Variants in MYO16 observed in about 807,000 individuals in gnomAD.
The protein encoded by MYO16 is unconventional myosin-XVI.
MYO16 carries 94 observed loss-of-function variants against 205.3 expected under a neutral mutation model. The ratio of observed to expected loss-of-function variants is 0.46; its 90% CI spans 0.39 to 0.54. The LOEUF is 0.54. MYO16 is among the 20% of genes least tolerant of loss of function. The pLI is 0.00. For missense variants in MYO16, 2,315 were observed against 2,387.5 expected (o/e 0.97, Z 0.63); for synonymous variants, 988 against 954.0 (o/e 1.04, Z -0.66).
intron 34 of MYO16, among the ~76,000 whole-genome samples, chr13:109,180,168 G>A (rs535650194): frequency 2.0e-5 from 3 of 152,236 alleles, no homozygotes; most frequent in African/African-American, 7.2e-5. Context: ...GTTTGGAGGT[G>A]CATTACTGAT....
intron 27 of MYO16, among the ~76,000 whole-genome samples, chr13:109,076,986 T>G (rs1188182887): frequency 6.9e-6 from 1 of 145,062 alleles, no homozygotes; most frequent in Admixed American, 7.5e-5. Flanking sequence ...TTTATTTATT[T>G]GTTTACACTT....
At chr13:108,966,252 A>G (rs1883790562) in intron 20 of MYO16, among the ~76,000 whole-genome samples, 1 of 152,358 alleles carries the variant, frequency 6.6e-6, no homozygotes, top group East Asian at 1.9e-4. Context: ...AAGTATAAAG[A>G]TGATTCACAG....
At chr13:108,930,679 T>TTC (rs1477238268) in intron 16 of MYO16, among the ~76,000 whole-genome samples, 1 of 152,160 alleles carries the variant, frequency 6.6e-6, no homozygotes, top group African/African-American at 2.4e-5. Flanking sequence ...ACCCTGTATC[T>TTC]TTTTAGCATT....
intron 16 of MYO16, among the ~76,000 whole-genome samples, chr13:108,938,906 A>C (rs1289691304): frequency 1.3e-5 from 2 of 152,250 alleles, no homozygotes; most frequent in East Asian, 3.9e-4. Context: ...TGGCACACAC[A>C]GATCAGATCC....
intron 2 of MYO16, among the ~76,000 whole-genome samples, chr13:108,688,322 C>T (rs1882761668): frequency 6.6e-6 from 1 of 152,134 alleles, no homozygotes; most frequent in Non-Finnish European, 1.5e-5. Context: ...GAAACGTTAA[C>T]TAAACTTTCT....
At chr13:109,019,073 A>C (rs568093367) in intron 22 of MYO16, among the ~76,000 whole-genome samples, 2 of 150,330 alleles carry the variant, frequency 1.3e-5, no homozygotes, top group Non-Finnish European at 2.9e-5. Context: ...GGGTCTAGTG[A>C]TCCTCTCACC....
chr13:108,645,888 A>T (rs1880732524), intron 1 of MYO16, among the ~76,000 whole-genome samples: 1 of 152,160 alleles, frequency 6.6e-6, no homozygotes, highest in African/African-American at 2.4e-5. Context: ...AGTACCTCCA[A>T]GTTTCCCAGC....
At chr13:109,068,934 T>C (rs962640489) in intron 27 of MYO16, among the ~76,000 whole-genome samples, 3 of 152,130 alleles carry the variant, frequency 2.0e-5, no homozygotes, top group African/African-American at 7.2e-5. Context: ...AATGGGTCAA[T>C]AGTCAACAAT....
intron 16 of MYO16, among the ~76,000 whole-genome samples, chr13:108,915,691 A>C (rs1487226376): frequency 6.6e-6 from 1 of 152,216 alleles, no homozygotes; most frequent in African/African-American, 2.4e-5. Context: ...CAGAAAAGCT[A>C]GGTTCCTAAA....
chr13:108,665,987 C>T lies in MYO16; in HGVS notation c.130C>T (p.Arg44Cys), dbSNP rs1210280707. 8 of 1,614,134 alleles carry T rather than the reference C, an allele frequency of 5.0e-6. No individual in the cohort carries two copies. Among genetic ancestry groups the T allele is most frequent in the Non-Finnish European group, 3.4e-6 (4 of 1,180,004 alleles). Residue 44 changes from arginine (R) to cysteine (C), a missense_variant, in exon 2 of 35, where the codon CGC (arginine) becomes TGC (cysteine). Arg to Cys is a radical substitution (Grantham distance 180). This residue lies in a region of MYO16 where 1,213 missense variants were observed against 1,274.4 expected (regional missense o/e 0.95). Coordinates refer to ENST00000457511, the MANE Select transcript of MYO16 (RefSeq NM_001198950.3). ...TGGCCAACGGCAGCGTCTAGTGAAG[C>T]GCATGCGCTGTGAGCAAATCAAAGC... is the stretch of plus-strand genomic sequence containing the variant. Reference protein sequence around the residue: ...PLGQRQRLVKRMRCEQIKAYY... With the variant: ...PLGQRQRLVKCMRCEQIKAYY...
intron 13 of MYO16, among the ~76,000 whole-genome samples, chr13:108,884,046 C>T (rs983106626): frequency 6.6e-6 from 1 of 152,138 alleles, no homozygotes; most frequent in Admixed American, 6.5e-5. Context: ...TCAGCCAAAC[C>T]TCTACAAGGG....
chr13:109,124,292 T>C (rs1380969537), intron 29 of MYO16, among the ~76,000 whole-genome samples: 3 of 152,240 alleles, frequency 2.0e-5, no homozygotes, highest in Non-Finnish European at 2.9e-5. Context: ...GAAATGTAGT[T>C]TGACCTCCTA....
chr13:109,012,200 C>A (rs1885624730), intron 22 of MYO16, among the ~76,000 whole-genome samples: 2 of 152,134 alleles, frequency 1.3e-5, no homozygotes, highest in African/African-American at 2.4e-5. Flanking sequence ...AGAAGTTATT[C>A]AATAGTCGTC....
rs541388240 is a variant in MYO16 at position 108,745,983 on chromosome 13, C to T, written c.507+18400C>T. Among the ~76,000 whole-genome samples, 433 of 151,916 alleles carry T rather than the reference C, an allele frequency of 2.9e-3. 2 individuals carry two copies. Among genetic ancestry groups the T allele is most frequent in the African/African-American group, 7.6e-3 (316 of 41,452 alleles). ...CGGGCAGATCACGAGGTCAGGAGAA[C>T]GAGACCATCCTGGCTAACACAGTGA... is the stretch of plus-strand genomic sequence containing the variant. On this transcript the variant is annotated intron_variant, in intron 4 of 34. Transcript: ENST00000457511.
the MYO16 span, among the ~76,000 whole-genome samples, chr13:108,530,580 T>A: frequency 6.6e-6 from 1 of 152,230 alleles, no homozygotes; most frequent in Admixed American, 6.5e-5. Context: ...GGATATTGCT[T>A]TGCTAAAATA....
chr13:108,575,123 C>A, the MYO16 span, among the ~76,000 whole-genome samples: 1 of 152,158 alleles, frequency 6.6e-6, no homozygotes, highest in Non-Finnish European at 1.5e-5. Flanking sequence ...ATCAGATGCC[C>A]TCTATCCTAT....
chr13:109,100,849 C>A lies in MYO16; in HGVS notation c.3400C>A (p.Arg1134=). ...GGAACAGTCAGCTGCCGAGCGATGT[C>A]GACTTGTTCTCCAGCAGTGTAAATT... The part of the protein sequence containing the change: ...KKEQSAAERC[R]LVLQQCKLQG... The change falls in exon 28 of 35, where the codon CGA becomes AGA. Residue 1134 remains arginine, a synonymous_variant. Transcript: ENST00000457511. The A allele has an allele frequency of 6.2e-7, 1 of 1,613,462 alleles. No homozygotes were observed. The highest frequency in any genetic ancestry group is 1.1e-5 in the South Asian group (1 of 91,050).
chr13:109,040,377 CACACACACAG>C (rs1886843145), intron 23 of MYO16, among the ~76,000 whole-genome samples: 1 of 77,480 alleles, frequency 1.3e-5, no homozygotes, highest in Non-Finnish European at 2.5e-5. Context: ...CACACACACA[CACACACACAG>C]AGAGAGAGAG....
Position 108,732,854 on chromosome 13 carries a change from A to C in MYO16, c.507+5271A>C, listed in dbSNP as rs568236688. On this transcript the variant is annotated intron_variant, in intron 4 of 34. Transcript: ENST00000457511. ...TGACATCTGGATATACAGGATTTTG[A>C]AGGCAGAGTTGTCTGTATTTTGTGT... is the stretch of plus-strand genomic sequence containing the variant. Among the ~76,000 whole-genome samples the C allele has an allele frequency of 9.2e-5, 14 of 152,270 alleles. No homozygotes were observed. The South Asian group carries it at 2.7e-3, about 29-fold the overall frequency.
Sources: gnomAD v4.1 joint callset for allele counts (sites outside exome capture counted in the v4.1 genomes callset) on GRCh38, gnomAD v4.1.1 for gene constraint, gnomAD v4.1.1 regional missense constraint, MANE v1.5 for transcripts, NCBI Gene and HGNC (gene_info 2026-07-23, HGNC 2026-07-21) for gene names.